The following CLIC2 variants were observed in gnomAD, a reference collection of about 807,000 sequenced individuals.
CLIC2 encodes chloride intracellular channel protein 2.
Under a neutral mutation model 14.8 loss-of-function variants are expected in CLIC2, and 9 were observed. The ratio of observed to expected loss-of-function variants is 0.61; its 90% CI spans 0.37 to 1.06. CLIC2 has a LOEUF of 1.06. CLIC2 is among the 50% of genes least tolerant of loss of function. The pLI is 0.01. For missense variants in CLIC2, 148 were observed against 181.4 expected (o/e 0.82, Z 1.06); for synonymous variants, 61 against 66.3 (o/e 0.92, Z 0.39).
At chrX:155,332,070 TA>T (rs1557322877) in intron 1 of CLIC2, among the ~76,000 whole-genome samples, 1 of 111,552 alleles carries the variant, frequency 9.0e-6, no homozygotes, top group Non-Finnish European at 1.9e-5. Context: ...TCATTAAGAT[TA>T]TTTCATCCCT....
intron 1 of CLIC2, among the ~76,000 whole-genome samples, chrX:155,330,287 A>T (rs1046389504): frequency 6.3e-5 from 7 of 111,971 alleles, no homozygotes; most frequent in African/African-American, 1.9e-4. Flanking sequence ...CCTGTATCAA[A>T]ATATTCCATG....
chrX:155,291,060 G>A, intron 3 of CLIC2: 1 of 787,344 alleles, frequency 1.3e-6, no homozygotes, highest in Non-Finnish European at 1.9e-6. Flanking sequence ...TTCCAGAGTT[G>A]CTCTTGTTGC....
chrX:155,301,212 A>T (rs1424961998), intron 1 of CLIC2, among the ~76,000 whole-genome samples: 1 of 101,018 alleles, frequency 9.9e-6, no homozygotes, highest in African/African-American at 3.5e-5. Flanking sequence ...ACCCATGAGC[A>T]TGGAATGTTC....
At chrX:155,312,380 T>G (rs910091771) in intron 1 of CLIC2, among the ~76,000 whole-genome samples, 1 of 112,188 alleles carries the variant, frequency 8.9e-6, no homozygotes, top group African/African-American at 3.2e-5. Context: ...ACCTCCTGCA[T>G]AGGGCTAGCC....
At chrX:155,321,671 A>ACCAG (rs2075115635) in intron 1 of CLIC2, among the ~76,000 whole-genome samples, 1 of 110,412 alleles carries the variant, frequency 9.1e-6, no homozygotes, top group Non-Finnish European at 1.9e-5. Context: ...GAGCAAAATA[A>ACCAG]CTAGCATCAT....
chrX:155,294,700 T>C (rs1246393216), intron 3 of CLIC2, among the ~76,000 whole-genome samples: 2 of 111,639 alleles, frequency 1.8e-5, no homozygotes, highest in Non-Finnish European at 3.8e-5. Context: ...ACACATTAAG[T>C]CATATATGTA....
rs781844438 is a variant in CLIC2, at chrX:155,291,481, T to C, written c.293+7304A>G. ...TGCAAACAGGGATAGTTTGACTTTC[T>C]ATGTTCCTATTTAGATGCCCTTTAT... On this transcript the variant is annotated intron_variant, in intron 3 of 5. Transcript: ENST00000369449. The C allele has an allele frequency of 1.2e-4, 44 of 378,152 alleles. No individual in the cohort carries two copies. In the South Asian group the frequency reaches 1.2e-3, roughly 10 times the overall value. The allele number at this position is 378,152 out of a possible 1,213,427, so 31.2% of individuals were successfully genotyped here.
intron 1 of CLIC2, among the ~76,000 whole-genome samples, chrX:155,301,064 C>A (rs2075015728): frequency 2.0e-5 from 1 of 50,533 alleles, no homozygotes. Context: ...GATGCGGGCT[C>A]TTTTTTGGTT....
chrX:155,293,496 CAA>C, intron 3 of CLIC2: 5 of 478,752 alleles, frequency 1.0e-5, no homozygotes, highest in South Asian at 6.3e-5. Flanking sequence ...TGATAAATGA[CAA>C]GAGAGAGAGA....
chrX:155,311,555 G>A (rs1569561356), intron 1 of CLIC2, among the ~76,000 whole-genome samples: 1 of 111,780 alleles, frequency 8.9e-6, no homozygotes, highest in Non-Finnish European at 1.9e-5. Context: ...ACATTTTTCT[G>A]TCTTCTTCTG....
chrX:155,283,046 C>G (rs1435806749), intron 3 of CLIC2, among the ~76,000 whole-genome samples: 1 of 111,833 alleles, frequency 8.9e-6, no homozygotes, highest in African/African-American at 3.3e-5. Context: ...AAGGCTGACC[C>G]ACAGAGCCCC....
intron 1 of CLIC2, among the ~76,000 whole-genome samples, chrX:155,326,000 C>G (rs1557322296): frequency 9.4e-6 from 1 of 106,440 alleles, no homozygotes; most frequent in Admixed American, 1.0e-4. Context: ...AAGAATGATA[C>G]AATGGACTTT....
At position 155,277,930 on chromosome X, in the gene CLIC2, G is replaced by A. The variant is rs367873692; in HGVS notation, c.717C>T (p.Tyr239=). Residue 239 remains tyrosine, a synonymous_variant, in exon 6 of 6, where the codon TAC becomes TAT. Coordinates refer to ENST00000369449, the MANE Select transcript of CLIC2 (RefSeq NM_001289.6). ...AACTCTTCTGTTTAGCCACATTTGC[G>A]TAAGTATTTTCAATTTCTTTGTCTT... ...CPEDKEIENT[Y]ANVAKQKS is the part of the protein sequence containing the mutation. The A allele has an allele frequency of 1.4e-4, 174 of 1,207,763 alleles. No homozygotes were observed. Among genetic ancestry groups the A allele is most frequent in the African/African-American group, 3.0e-4 (17 of 57,192 alleles).
chrX:155,312,676 A>T (rs1317011083), intron 1 of CLIC2, among the ~76,000 whole-genome samples: 1 of 112,015 alleles, frequency 8.9e-6, no homozygotes, highest in African/African-American at 3.2e-5. Flanking sequence ...TATGAATTTT[A>T]AAATAGTCTT....
chrX:155,279,029 T>C (rs2074908818), intron 5 of CLIC2, 120 bp downstream of exon 5: 3 of 561,103 alleles, frequency 5.3e-6, no homozygotes, highest in Admixed American at 2.3e-5. Flanking sequence ...ATAGTACACA[T>C]GATGATGATG....
intron 3 of CLIC2, chrX:155,290,484 T>C: frequency 1.9e-6 from 1 of 534,144 alleles, no homozygotes; most frequent in Non-Finnish European, 3.4e-6. Flanking sequence ...CCTCATTGTC[T>C]ATCTCAATCT....
intron 3 of CLIC2, chrX:155,291,196 A>T (rs1166687759): frequency 2.0e-6 from 2 of 981,359 alleles, no homozygotes; most frequent in Middle Eastern, 2.8e-4. Context: ...TTGTCCTCCA[A>T]CAGGGGTAAA....
chrX:155,289,811 T>C (rs1224619504), intron 3 of CLIC2, among the ~76,000 whole-genome samples: 1 of 111,672 alleles, frequency 9.0e-6, no homozygotes, highest in Non-Finnish European at 1.9e-5. Context: ...AAAAGTCAAA[T>C]ATAAAAGACT....
At chrX:155,297,860 C>CAAAA (rs200891873) in intron 3 of CLIC2, among the ~76,000 whole-genome samples, 7 of 5,121 alleles carry the variant, frequency 1.4e-3, no homozygotes, top group African/African-American at 1.7e-3. Context: ...ACTCCGGTCT[C>CAAAA]AAAAAAAAAA....
Sources: gnomAD v4.1 joint callset for allele counts (sites outside exome capture counted in the v4.1 genomes callset) on GRCh38, gnomAD v4.1.1 for gene constraint, MANE v1.5 for transcripts, NCBI Gene and HGNC (gene_info 2026-07-23, HGNC 2026-07-21) for gene names.